ANKRD44: variants seen among roughly 807,000 people sequenced by gnomAD.
The protein encoded by ANKRD44 is serine/threonine-protein phosphatase 6 regulatory ankyrin repeat subunit B.
In ANKRD44, 35 loss-of-function variants were observed where a neutral mutation model predicts 116.0. The ratio of observed to expected loss-of-function variants is 0.30; its 90% CI spans 0.23 to 0.40. The LOEUF (loss-of-function observed/expected upper bound fraction) is 0.40, where lower values mean the gene tolerates loss of function less well. ANKRD44 is among the 10% of genes least tolerant of loss of function. The pLI is 1.00. For synonymous variants in ANKRD44, 435 were observed against 461.8 expected (o/e 0.94, Z 0.74); for missense variants, 1,014 against 1,242.6 (o/e 0.82, Z 2.77).
intron 1 of ANKRD44, among the ~76,000 whole-genome samples, chr2:197,308,983 T>C (rs1479904823): frequency 1.3e-5 from 2 of 152,222 alleles, no homozygotes; most frequent in Non-Finnish European, 2.9e-5. Flanking sequence ...CCAGATCTGT[T>C]TTGTCATTTA....
At chr2:197,133,536 A>G (rs1428271831) in intron 4 of ANKRD44, among the ~76,000 whole-genome samples, 2 of 152,240 alleles carry the variant, frequency 1.3e-5, no homozygotes, top group African/African-American at 4.8e-5. Flanking sequence ...ATAAGCAAAT[A>G]GGCTTTGAGG....
At chr2:197,229,103 T>A (rs190079210) in intron 1 of ANKRD44, among the ~76,000 whole-genome samples, 1 of 152,358 alleles carries the variant, frequency 6.6e-6, no homozygotes, top group African/African-American at 2.4e-5. Context: ...GACAAATCAC[T>A]GATCCTACTG....
At chr2:197,112,986 GA>G (rs58832539) in intron 8 of ANKRD44, among the ~76,000 whole-genome samples, 129,368 of 149,716 alleles carry the variant, frequency 0.86, 56,152 homozygotes, top group East Asian at 0.98. Context: ...CATCTTAATT[GA>G]AAAAAAAAAA....
chr2:196,973,353 C>A (rs953188081), intron 21 of ANKRD44, among the ~76,000 whole-genome samples: 10 of 151,980 alleles, frequency 6.6e-5, no homozygotes, highest in Non-Finnish European at 1.3e-4. Flanking sequence ...TTTAAACTAT[C>A]ATTTTTATTA....
intron 1 of ANKRD44, among the ~76,000 whole-genome samples, chr2:197,215,465 G>T (rs1350437946): frequency 3.3e-5 from 5 of 152,170 alleles, no homozygotes; most frequent in African/African-American, 1.2e-4. Flanking sequence ...TGTAACATTT[G>T]AAGTGGGAGA....
intron 15 of ANKRD44, among the ~76,000 whole-genome samples, chr2:197,081,355 A>G (rs2077791256): frequency 6.6e-6 from 1 of 152,222 alleles, no homozygotes; most frequent in African/African-American, 2.4e-5. Context: ...TTGGTACATG[A>G]TGCATCGCAG....
At chr2:197,208,123 G>C (rs947458240) in intron 1 of ANKRD44, among the ~76,000 whole-genome samples, 24 of 152,258 alleles carry the variant, frequency 1.6e-4, no homozygotes, top group African/African-American at 5.5e-4. Context: ...TCTGAGATTT[G>C]TTACGTATTT....
At chr2:196,993,099 C>T (rs1013947439) in intron 27 of ANKRD44, among the ~76,000 whole-genome samples, 10 of 152,134 alleles carry the variant, frequency 6.6e-5, no homozygotes, top group Admixed American at 1.3e-4. Context: ...AGAAATTTTA[C>T]TCTTGTTCCT....
chr2:197,105,838 G>A (rs929858565), intron 9 of ANKRD44, among the ~76,000 whole-genome samples: 6 of 152,226 alleles, frequency 3.9e-5, no homozygotes, highest in East Asian at 1.9e-4. Context: ...AGCTGCCCAC[G>A]GTGGTCTGCC....
intron 2 of ANKRD44, among the ~76,000 whole-genome samples, chr2:197,176,529 G>A (rs2080368608): frequency 6.6e-6 from 1 of 152,160 alleles, no homozygotes; most frequent in South Asian, 2.1e-4. Flanking sequence ...TGGTGTGACT[G>A]ATATGGATTA....
At chr2:197,207,937 C>T (rs908589676) in intron 1 of ANKRD44, among the ~76,000 whole-genome samples, 2 of 152,094 alleles carry the variant, frequency 1.3e-5, no homozygotes, top group African/African-American at 4.8e-5. Flanking sequence ...TCTTCCTCCC[C>T]CTTCTATAAA....
At chr2:197,031,167 T>A (rs1311748176) in intron 16 of ANKRD44, among the ~76,000 whole-genome samples, 1 of 147,728 alleles carries the variant, frequency 6.8e-6, no homozygotes, top group Non-Finnish European at 1.5e-5. Context: ...ACTATTTTCT[T>A]TTTTTTTTTT....
At chr2:197,037,311 C>A (rs890786762) in intron 16 of ANKRD44, among the ~76,000 whole-genome samples, 2 of 152,178 alleles carry the variant, frequency 1.3e-5, no homozygotes, top group Non-Finnish European at 2.9e-5. Flanking sequence ...ATATTCTGCA[C>A]CATATCCAAT....
intron 10 of ANKRD44, among the ~76,000 whole-genome samples, chr2:197,097,636 G>C (rs1202432867): frequency 1.3e-5 from 2 of 152,106 alleles, no homozygotes; most frequent in Non-Finnish European, 2.9e-5. Context: ...CTCATCTTTA[G>C]CCCAAGACCT....
At chr2:197,020,798 A>T (rs1290224025) in intron 17 of ANKRD44, among the ~76,000 whole-genome samples, 2 of 140,426 alleles carry the variant, frequency 1.4e-5, no homozygotes, top group Non-Finnish European at 2.9e-5. Context: ...TTATATATGG[A>T]GTTTTTTATT....
At chr2:197,260,157 G>C (rs530560871) in intron 1 of ANKRD44, among the ~76,000 whole-genome samples, 1 of 152,002 alleles carries the variant, frequency 6.6e-6, no homozygotes, top group Non-Finnish European at 1.5e-5. Context: ...ATATGTATAC[G>C]TGTGCCATGT....
intron 13 of ANKRD44, among the ~76,000 whole-genome samples, chr2:197,086,185 T>C (rs1473932371): frequency 6.6e-6 from 1 of 152,006 alleles, no homozygotes; most frequent in African/African-American, 2.4e-5. Context: ...AAAATATATA[T>C]CCATGTACCA....
At chr2:197,199,014 T>C in intron 1 of ANKRD44, 1 of 152,270 alleles carries the variant, frequency 6.6e-6, no homozygotes, top group Non-Finnish European at 1.5e-5. Flanking sequence ...CTATGCAAGC[T>C]CCTTCTCTCT....
intron 2 of ANKRD44, among the ~76,000 whole-genome samples, chr2:197,168,819 G>T (rs2080160012): frequency 6.6e-6 from 1 of 152,168 alleles, no homozygotes; most frequent in Admixed American, 6.5e-5. Context: ...CCATGTGAGT[G>T]GCGCCCCCTA....
Sources: gnomAD v4.1 joint callset for allele counts (sites outside exome capture counted in the v4.1 genomes callset) on GRCh38, gnomAD v4.1.1 for gene constraint, MANE v1.5 for transcripts, NCBI Gene and HGNC (gene_info 2026-07-23, HGNC 2026-07-21) for gene names.